Variants in SOX6 observed in about 807,000 individuals in gnomAD.
SOX6 encodes SRY-box transcription factor 6.
SOX6 carries 11 observed loss-of-function variants against 97.8 expected under a neutral mutation model. The observed-to-expected ratio is 0.11, with a 90% CI of 0.07 to 0.19. The LOEUF (loss-of-function observed/expected upper bound fraction) is 0.19. SOX6 is among the 10% of genes least tolerant of loss of function. The pLI is 1.00. For missense variants in SOX6, 810 were observed against 1,039.5 expected (o/e 0.78, Z 3.04); for synonymous variants, 360 against 371.4 (o/e 0.97, Z 0.35).
intron 4 of SOX6, among the ~76,000 whole-genome samples, chr11:16,213,213 A>G (rs1852275192): frequency 1.3e-5 from 2 of 152,170 alleles, no homozygotes; most frequent in South Asian, 4.1e-4. Flanking sequence ...CTTAGCTGGC[A>G]TGGGTTTAGT....
intron 4 of SOX6, among the ~76,000 whole-genome samples, chr11:16,523,505 C>T (rs1020851671): frequency 6.6e-6 from 1 of 151,672 alleles, no homozygotes; most frequent in Non-Finnish European, 1.5e-5. Flanking sequence ...AAATTTATAG[C>T]ACTAAATGCC....
At chr11:15,980,734 T>C (rs1853629979) in intron 15 of SOX6, among the ~76,000 whole-genome samples, 1 of 152,052 alleles carries the variant, frequency 6.6e-6, no homozygotes, top group South Asian at 2.1e-4. Flanking sequence ...AAACTTCAAG[T>C]CCCTTCCTCA....
chr11:16,313,545 T>C (rs1855670110), intron 3 of SOX6: 1 of 152,132 alleles, frequency 6.6e-6, no homozygotes, highest in African/African-American at 2.4e-5. Flanking sequence ...AAAGGATCAA[T>C]GTCAGGCAAA....
chr11:16,333,350 G>T (rs922454880), intron 2 of SOX6, among the ~76,000 whole-genome samples: 1 of 151,982 alleles, frequency 6.6e-6, no homozygotes, highest in African/African-American at 2.4e-5. Flanking sequence ...TCTTCATGTT[G>T]CTTGGAAGCA....
At chr11:16,368,424 G>A (rs2134388516) in intron 1 of SOX6, among the ~76,000 whole-genome samples, 1 of 152,206 alleles carries the variant, frequency 6.6e-6, no homozygotes, top group South Asian at 2.1e-4. Flanking sequence ...CAAGGCTGCA[G>A]TGAGCCGCAA....
chr11:16,617,704 C>T (rs565063630), intron 3 of SOX6, among the ~76,000 whole-genome samples: 10 of 151,682 alleles, frequency 6.6e-5, no homozygotes, highest in South Asian at 2.1e-4. Context: ...AAATAGAGTA[C>T]GAGCCTTTTA....
intron 3 of SOX6, among the ~76,000 whole-genome samples, chr11:16,668,930 A>G (rs902006338): frequency 6.6e-6 from 1 of 152,264 alleles, no homozygotes; most frequent in Non-Finnish European, 1.5e-5. Flanking sequence ...ATAGACCCCA[A>G]TACAATATTA....
intron 1 of SOX6, among the ~76,000 whole-genome samples, chr11:16,737,962 G>A (rs1305151362): frequency 1.3e-5 from 2 of 151,860 alleles, no homozygotes; most frequent in Non-Finnish European, 2.9e-5. Context: ...CTTGGTGAAG[G>A]CCCCTACTGT....
intron 3 of SOX6, among the ~76,000 whole-genome samples, chr11:16,656,670 C>G (rs1191137649): frequency 6.6e-6 from 1 of 152,048 alleles, no homozygotes. Context: ...AAGCCAATGA[C>G]CATAAATTGC....
intron 1 of SOX6, among the ~76,000 whole-genome samples, chr11:16,410,505 C>G (rs1488305029): frequency 6.6e-6 from 1 of 151,976 alleles, no homozygotes; most frequent in Non-Finnish European, 1.5e-5. Context: ...GCCTATAACA[C>G]CAGCACTTTG....
At chr11:16,112,648 G>A (rs1433473188) in intron 6 of SOX6, among the ~76,000 whole-genome samples, 1 of 152,022 alleles carries the variant, frequency 6.6e-6, no homozygotes, top group East Asian at 1.9e-4. Context: ...CTCAATAAAT[G>A]TATCAAAGAG....
intron 4 of SOX6, among the ~76,000 whole-genome samples, chr11:16,205,151 T>C (rs1852039591): frequency 6.6e-6 from 1 of 152,146 alleles, no homozygotes; most frequent in East Asian, 1.9e-4. Context: ...AAGTATTTTG[T>C]GAGACACAAC....
intron 2 of SOX6, among the ~76,000 whole-genome samples, chr11:16,320,070 A>G (rs1855870668): frequency 6.6e-6 from 1 of 152,112 alleles, no homozygotes; most frequent in African/African-American, 2.4e-5. Flanking sequence ...ATATTCTTAT[A>G]TTTCTTTTAA....
intron 9 of SOX6, among the ~76,000 whole-genome samples, chr11:16,081,487 G>C (rs1032431204): frequency 4.6e-5 from 7 of 152,188 alleles, no homozygotes; most frequent in African/African-American, 1.7e-4. Context: ...TATCTCCTCT[G>C]TGCCTGCCAT....
chr11:16,414,439 G>A (rs561001955), intron 1 of SOX6, among the ~76,000 whole-genome samples: 1 of 152,200 alleles, frequency 6.6e-6, no homozygotes, highest in Non-Finnish European at 1.5e-5. Context: ...AAAGAATTGG[G>A]AATATGGAAA....
chr11:16,661,609 G>A (rs1208378671), intron 3 of SOX6, among the ~76,000 whole-genome samples: 1 of 151,876 alleles, frequency 6.6e-6, no homozygotes, highest in Non-Finnish European at 1.5e-5. Context: ...GTACAGTGGC[G>A]GGGGCATAGC....
At chr11:16,171,670 A>C (rs1450557256) in intron 6 of SOX6, among the ~76,000 whole-genome samples, 1 of 151,966 alleles carries the variant, frequency 6.6e-6, no homozygotes, top group Non-Finnish European at 1.5e-5. Flanking sequence ...ATTTATAAAA[A>C]ATGACATTAA....
intron 10 of SOX6, among the ~76,000 whole-genome samples, chr11:16,052,210 C>T (rs2133916643): frequency 6.6e-6 from 1 of 152,154 alleles, no homozygotes; most frequent in Non-Finnish European, 1.5e-5. Flanking sequence ...TATCACCTAC[C>T]AACTCCCAAT....
intron 6 of SOX6, among the ~76,000 whole-genome samples, chr11:16,179,553 T>C (rs192764132): frequency 6.6e-6 from 1 of 152,012 alleles, no homozygotes; most frequent in East Asian, 1.9e-4. Context: ...GACGCAGCAA[T>C]GGCATTTAGT....
Sources: allele counts gnomAD v4.1 joint callset (sites outside exome capture counted in the v4.1 genomes callset), GRCh38; gene constraint gnomAD v4.1.1; transcripts MANE v1.5; gene names NCBI Gene and HGNC (gene_info 2026-07-23, HGNC 2026-07-21).